The following PATZ1 variants were observed in gnomAD, a reference collection of about 807,000 sequenced individuals.
PATZ1 encodes POZ-, AT hook-, and zinc finger-containing protein 1.
A neutral mutation model predicts 46.2 loss-of-function variants in PATZ1; 9 were observed. The ratio of observed to expected loss-of-function variants is 0.19; its 90% CI spans 0.12 to 0.34. The LOEUF (loss-of-function observed/expected upper bound fraction) is 0.34, where lower values mean the gene tolerates loss of function less well. Ranked by LOEUF, PATZ1 falls within the 10% of genes least tolerant of loss-of-function variation. The pLI is 1.00. For missense variants in PATZ1, 632 were observed against 923.0 expected, an observed-to-expected ratio of 0.68 and a Z score of 4.08; for synonymous variants, 426 against 378.6, an observed-to-expected ratio of 1.13 and a Z score of -1.45.
rs1329621865 is a variant in PATZ1 at position 31,342,969 on chromosome 22, G to A, written c.1272-9C>T. The A allele has an allele frequency of 3.1e-6, 5 of 1,613,764 alleles. No individual in the cohort carries two copies. The African/African-American group carries it at 4.0e-5, about 13-fold the overall frequency. ...CGTTCAAGTGATCAGGCCTGGAAAA[G>A]AGAGAACCAAGAGGGACTTTAGAAA... On this transcript the variant is annotated splice_polypyrimidine_tract_variant and intron_variant, in intron 1 of 4. Coordinates refer to ENST00000266269, the MANE Select transcript of PATZ1 (RefSeq NM_014323.3).
chr22:31,341,542 A>AC (rs753326578), intron 2 of PATZ1: 2 of 1,614,032 alleles, frequency 1.2e-6, no homozygotes, highest in Non-Finnish European at 1.7e-6. Flanking sequence ...GCTGGGAATG[A>AC]TTTTTTTAGA....
intron 2 of PATZ1, among the ~76,000 whole-genome samples, chr22:31,339,404 T>G (rs1304460265): frequency 1.3e-5 from 2 of 151,982 alleles, no homozygotes; most frequent in Non-Finnish European, 2.9e-5. Flanking sequence ...GGGGAGCCTG[T>G]GAAAGTCCAA....
In PATZ1 at chr22:31,327,204, C is replaced by G; in HGVS notation, c.1751G>C (p.Gly584Ala). 1 of 1,614,218 alleles carries G rather than the reference C, an allele frequency of 6.2e-7. No homozygotes were observed. Among genetic ancestry groups the G allele is most frequent in the Non-Finnish European group, 8.5e-7 (1 of 1,180,024 alleles). ...LKTPEKQSAN[G>A]SFSCDMAVPK... ...GACTGCCATGTCGCAGGAGAAAGAG[C>G]CATTGGCACTCTGCTTCTCTGGCGT... is the stretch of plus-strand genomic sequence containing the variant. Residue 584 changes from glycine (G) to alanine (A), a missense_variant, in exon 5 of 5, where the codon GGC becomes GCC. Gly to Ala is a moderately conservative substitution (Grantham distance 60, BLOSUM62 0). Around this residue, in one of 7 missense-constraint regions of PATZ1, gnomAD observed 176 missense variants for 249.4 expected, o/e 0.71. Transcript: ENST00000266269. This position sits in a 1 kb window ranked among gnomAD's most constrained non-coding sequence, Gnocchi z 4.2.
Position 31,345,907 on chromosome 22 carries a change from G to A in PATZ1, c.-305C>T, listed in dbSNP as rs2049650540. 3.0e-6 allele frequency: 1 copy of A among 338,554 alleles called. No homozygotes were observed. The highest frequency in any genetic ancestry group is 1.3e-4 in the South Asian group (1 of 7,922). The allele number at this position is 338,554 out of a possible 1,614,324, so 21.0% of individuals were successfully genotyped here. On this transcript the variant is annotated 5_prime_UTR_variant, in exon 1 of 5. Transcript: ENST00000266269. This position sits in a 1 kb window ranked among gnomAD's most constrained non-coding sequence, Gnocchi z 7.4. ...CCTTCCGGGGGGGTGCGCGAGCGAAGAGGTGCGCCCCTCCTGCAAACGCGC... is the reference window on the plus strand; with the variant it reads ...CCTTCCGGGGGGGTGCGCGAGCGAAAAGGTGCGCCCCTCCTGCAAACGCGC...
rs1257625769 is a variant in PATZ1 at position 31,326,317 on chromosome 22, G to A, written c.*574C>T. 1.7e-5 allele frequency: 4 copies of A among 230,812 alleles called. No homozygotes were observed. The highest frequency in any genetic ancestry group is 2.6e-3 in the Middle Eastern group (2 of 780). 14.3% of individuals were successfully genotyped at this position (230,812 alleles called of 1,614,324 possible). On this transcript the variant is annotated 3_prime_UTR_variant, in exon 5 of 5. Transcript: ENST00000266269. Reference sequence around the variant, plus strand: ...AATGCTCGCCTCCAAGCAGGGCTCAGAAAGGTCTGGAGCCCTCCAGGCAGA... The same window carrying A: ...AATGCTCGCCTCCAAGCAGGGCTCAAAAAGGTCTGGAGCCCTCCAGGCAGA...
chr22:31,332,077 C>T (rs1363246940), intron 3 of PATZ1, among the ~76,000 whole-genome samples: 1 of 152,150 alleles, frequency 6.6e-6, no homozygotes, highest in East Asian at 1.9e-4. Context: ...CGCCATTGCA[C>T]TCCAGTCTGG....
chr22:31,343,095 C>G (rs2049603922), intron 1 of PATZ1, 135 bp from the exon 2 acceptor site: 1 of 1,458,204 alleles, frequency 6.9e-7, no homozygotes, highest in Non-Finnish European at 9.1e-7. Flanking sequence ...CCCAGCATGA[C>G]AAAGACAAAG....
In PATZ1 at chr22:31,326,155, G is replaced by C. The variant is rs2049368481; in HGVS notation, c.*736C>G. On this transcript the variant is annotated 3_prime_UTR_variant, in exon 5 of 5. Transcript: ENST00000266269. ...CTTTCAGTAGCAATTCACTACAACTGGTCCTAAAAAATAATAACAATAATA... is the reference window on the plus strand; with the variant it reads ...CTTTCAGTAGCAATTCACTACAACTCGTCCTAAAAAATAATAACAATAATA... 4.5e-6 allele frequency: 1 copy of C among 222,384 alleles called. No individual in the cohort carries two copies. Among genetic ancestry groups the C allele is most frequent in the East Asian group, 6.6e-5 (1 of 15,234 alleles). The allele number at this position is 222,384 out of a possible 1,614,324, so 13.8% of individuals were successfully genotyped here. A position where few individuals can be genotyped will look rare whatever the true frequency, so the allele number is the denominator to read the frequency against.
Position 31,328,954 on chromosome 22 carries a change from G to A in PATZ1, c.1508-30C>T, listed in dbSNP as rs373627934. On this transcript the variant is annotated intron_variant, in intron 3 of 4. Transcript: ENST00000266269. The surrounding 1 kb of genome is among the most constrained non-coding windows in gnomAD (Gnocchi z 4.8). ...ACAAGACAAAAGGAGATGAGATCCC[G>A]CGGCCAGCAAGAGATACCTCTCTCC... The A allele has an allele frequency of 7.1e-5, 113 of 1,585,084 alleles. 1 individual carries two copies. The highest frequency in any genetic ancestry group is 5.7e-4 in the South Asian group (50 of 88,440).
At chr22:31,341,014 G>C in intron 2 of PATZ1, 1 of 1,077,406 alleles carries the variant, frequency 9.3e-7, no homozygotes, top group South Asian at 4.4e-5. Flanking sequence ...AGTGGGGAAA[G>C]GGGTGGCCAG....
At chr22:31,338,236 G>A (rs2049536262) in intron 2 of PATZ1, among the ~76,000 whole-genome samples, 1 of 152,206 alleles carries the variant, frequency 6.6e-6, no homozygotes, top group Non-Finnish European at 1.5e-5. Context: ...TTACAGCTGG[G>A]CCAGTGGAGG....
At chr22:31,331,638 G>T (rs879803199) in intron 3 of PATZ1, among the ~76,000 whole-genome samples, 20 of 151,738 alleles carry the variant, frequency 1.3e-4, no homozygotes, top group Admixed American at 4.6e-4. Flanking sequence ...CACCGTGCCC[G>T]GCCTTTCCTT....
At position 31,326,947 on chromosome 22, in the gene PATZ1, A is replaced by C. The variant is rs1303403341; in HGVS notation, c.2008T>G (p.Ser670Ala). The C allele has an allele frequency of 6.2e-7, 1 of 1,614,046 alleles. No homozygotes were observed. The highest frequency in any genetic ancestry group is 8.5e-7 in the Non-Finnish European group (1 of 1,180,030). Residue 670 changes from serine to alanine, a missense_variant, in exon 5 of 5, where the codon TCA becomes GCA. Ser to Ala is a moderately conservative substitution (Grantham distance 99). Transcript: ENST00000266269. ...GFQIVQSAFA[S>A]SLVDPEVDQQ... ...TCAACCTCAGGATCTACTAAAGATGACGCAAATGCCGACTGAACAATCTGA... is the reference window on the plus strand; with the variant it reads ...TCAACCTCAGGATCTACTAAAGATGCCGCAAATGCCGACTGAACAATCTGA...
rs1278178143 is a variant in PATZ1, at chr22:31,335,866, G to A, written c.1336-3C>T. On this transcript the variant is annotated splice_region_variant and splice_polypyrimidine_tract_variant and intron_variant, in intron 2 of 4. Coordinates refer to ENST00000266269, the MANE Select transcript of PATZ1 (RefSeq NM_014323.3). ...GTGGCAAAAGAAGCATTGCAGGTCT[G>A]AAGGCAGAAAAGAAAATGGGATGAT... 5 of 1,611,420 alleles carry A rather than the reference G, an allele frequency of 3.1e-6. No homozygotes were observed. Among genetic ancestry groups the A allele is most frequent in the Non-Finnish European group, 4.2e-6 (5 of 1,178,126 alleles).
At position 31,344,863 on chromosome 22, in the gene PATZ1, A is replaced by G; in HGVS notation, c.740T>C (p.Leu247Pro). ...MVAGPLSPQL[L>P]TSPFPSVASS... ...TGCCACACTGGGGAATGGGGAAGTC[A>G]GCAGTTGGGGGGATAGGGGTCCAGC... The change falls in exon 1 of 5, where the codon CTG becomes CCG. Residue 247 changes from leucine to proline, a missense_variant. Coordinates refer to ENST00000266269, the MANE Select transcript of PATZ1 (RefSeq NM_014323.3). 6.2e-7 allele frequency: 1 copy of G among 1,612,926 alleles called. No individual in the cohort carries two copies. Among genetic ancestry groups the G allele is most frequent in the South Asian group, 1.1e-5 (1 of 91,084 alleles).
chr22:31,330,545 C>T (rs910680878), intron 3 of PATZ1, among the ~76,000 whole-genome samples: 1 of 152,156 alleles, frequency 6.6e-6, no homozygotes, highest in African/African-American at 2.4e-5. Flanking sequence ...GTCACACGTA[C>T]AGCTACTGAG....
In PATZ1 at chr22:31,344,559, C is replaced by A; in HGVS notation, c.1044G>T (p.Arg348Ser). The change falls in exon 1 of 5, where the codon AGG becomes AGT. Residue 348 changes from arginine to serine, a missense_variant. Physicochemically the swap from Arg to Ser is moderately radical, Grantham distance 110 (BLOSUM62 -1). Transcript: ENST00000266269. The stretch of plus-strand genomic sequence containing the variant: ...AAGCCACCTGCTTCCTGGTCCGGCT[C>A]CTCTTTCGGGGGCCGTCGGGGTCTT... ...ISEDPDGPRK[R>S]SRTRKQVACE... 1 of 1,614,230 alleles carries A rather than the reference C, an allele frequency of 6.2e-7. No homozygotes were observed.
At position 31,327,511 on chromosome 22, in the gene PATZ1, C is replaced by A. The variant is rs1004219269; in HGVS notation, c.1646-202G>T. On this transcript the variant is annotated intron_variant, in intron 4 of 4. Transcript: ENST00000266269. This position sits in a 1 kb window ranked among gnomAD's most constrained non-coding sequence, Gnocchi z 4.2. The stretch of plus-strand genomic sequence containing the variant: ...GGGGTGAAACGGCAGGGCCCTAGGG[C>A]TGCCAGCCTCCCTTGCTGTGGACTC... Among the ~76,000 whole-genome samples the A allele has an allele frequency of 1.3e-5, 2 of 152,114 alleles. No individual in the cohort carries two copies. Among genetic ancestry groups the A allele is most frequent in the South Asian group, 2.1e-4 (1 of 4,828 alleles).
At chr22:31,330,498 CA>C (rs35931347) in intron 3 of PATZ1, among the ~76,000 whole-genome samples, 3 of 148,090 alleles carry the variant, frequency 2.0e-5, no homozygotes, top group Non-Finnish European at 3.0e-5. Context: ...GACTCCGTCT[CA>C]AAAAAAAAAG....
Sources: allele counts gnomAD v4.1 joint callset (sites outside exome capture counted in the v4.1 genomes callset), GRCh38; gene constraint gnomAD v4.1.1; regional missense constraint gnomAD v4.1.1; non-coding constraint Gnocchi (gnomAD v3.1); transcripts MANE v1.5; gene names NCBI Gene and HGNC (gene_info 2026-07-23, HGNC 2026-07-21).